Variants in GRM7 observed in about 807,000 individuals in gnomAD.
GRM7 encodes the protein metabotropic glutamate receptor 7.
In GRM7, 35 loss-of-function variants were observed where a neutral mutation model predicts 84.5. That is an observed-to-expected ratio of 0.41 (90% CI 0.32 to 0.55). GRM7 has a LOEUF of 0.55. GRM7 is among the 20% of genes least tolerant of loss of function. GRM7 has a pLI of 0.19. For missense variants in GRM7, 1,003 were observed against 1,194.6 expected (o/e 0.84, Z 2.36); for synonymous variants, 487 against 455.1 (o/e 1.07, Z -0.89).
chr3:7,483,209 T>A (rs1033151105), intron 7 of GRM7, among the ~76,000 whole-genome samples: 1 of 152,158 alleles, frequency 6.6e-6, no homozygotes, highest in Non-Finnish European at 1.5e-5. Context: ...AGGATAATAT[T>A]TGAGTGTACA....
chr3:7,449,670 T>C (rs1252618138), intron 5 of GRM7, among the ~76,000 whole-genome samples: 1 of 152,034 alleles, frequency 6.6e-6, no homozygotes. Flanking sequence ...CCCAGTCGCA[T>C]ATGGAAATTT....
intron 9 of GRM7, among the ~76,000 whole-genome samples, chr3:7,699,683 T>C (rs774277321): frequency 2.3e-4 from 35 of 152,256 alleles, no homozygotes; most frequent in Non-Finnish European, 4.0e-4. Flanking sequence ...TGGGAAGGAT[T>C]ACAAAGAATT....
chr3:7,447,676 T>G (rs1697575418), intron 5 of GRM7, among the ~76,000 whole-genome samples: 1 of 152,044 alleles, frequency 6.6e-6, no homozygotes. Flanking sequence ...CACAATTGAC[T>G]AATCTCTTTG....
intron 7 of GRM7, among the ~76,000 whole-genome samples, chr3:7,503,140 T>TTCC (rs1301916246): frequency 6.6e-6 from 1 of 152,170 alleles, no homozygotes; most frequent in Non-Finnish European, 1.5e-5. Flanking sequence ...ATGTGATTGC[T>TTCC]TCCCCAGCAG....
intron 2 of GRM7, among the ~76,000 whole-genome samples, chr3:7,280,385 C>A (rs897911541): frequency 2.6e-5 from 4 of 152,216 alleles, no homozygotes; most frequent in African/African-American, 9.6e-5. Context: ...CAGTTTTCAA[C>A]TTCTTAAAAT....
chr3:6,887,500 G>C (rs1343157134), intron 1 of GRM7, among the ~76,000 whole-genome samples: 1 of 151,774 alleles, frequency 6.6e-6, no homozygotes, highest in East Asian at 1.9e-4. Context: ...TTGTTCTTGC[G>C]ATAGTTTACT....
intron 4 of GRM7, among the ~76,000 whole-genome samples, chr3:7,391,859 G>A (rs1476466391): frequency 1.3e-5 from 2 of 152,024 alleles, no homozygotes; most frequent in Non-Finnish European, 2.9e-5. Flanking sequence ...CTTCAGTGGG[G>A]GTGGAGCCTC....
At chr3:7,498,641 G>A (rs1489852006) in intron 7 of GRM7, among the ~76,000 whole-genome samples, 1 of 152,176 alleles carries the variant, frequency 6.6e-6, no homozygotes, top group Non-Finnish European at 1.5e-5. Flanking sequence ...ATCAGTGTGT[G>A]TGACCAGCAG....
At chr3:7,677,320 G>A (rs1329255328) in intron 8 of GRM7, among the ~76,000 whole-genome samples, 2 of 144,210 alleles carry the variant, frequency 1.4e-5, no homozygotes, top group Non-Finnish European at 3.0e-5. Context: ...TTAATACTAT[G>A]TGCTAGGCCC....
At chr3:7,613,990 G>A (rs186790613) in intron 8 of GRM7, among the ~76,000 whole-genome samples, 2 of 152,288 alleles carry the variant, frequency 1.3e-5, no homozygotes, top group African/African-American at 4.8e-5. Flanking sequence ...TCAGCTGGGT[G>A]CAGTGGCTCG....
chr3:7,733,163 G>A (rs1559511518), intron 9 of GRM7, among the ~76,000 whole-genome samples: 2 of 152,142 alleles, frequency 1.3e-5, no homozygotes, highest in East Asian at 3.9e-4. Flanking sequence ...CTCATCCTGT[G>A]ACTTAGGCTG....
chr3:7,260,995 C>T (rs530542945), intron 2 of GRM7, among the ~76,000 whole-genome samples: 4 of 152,302 alleles, frequency 2.6e-5, no homozygotes, highest in African/African-American at 9.6e-5. Context: ...CATTCAATGC[C>T]TTCCCTCTGA....
chr3:7,598,856 A>C (rs1414591744), intron 8 of GRM7, among the ~76,000 whole-genome samples: 1 of 152,178 alleles, frequency 6.6e-6, no homozygotes, highest in Non-Finnish European at 1.5e-5. Context: ...ACCATTGATG[A>C]CTTGACACAT....
At chr3:7,033,651 T>C (rs1476504054) in intron 1 of GRM7, among the ~76,000 whole-genome samples, 2 of 152,176 alleles carry the variant, frequency 1.3e-5, no homozygotes, top group Non-Finnish European at 2.9e-5. Flanking sequence ...TAATTTCTTT[T>C]TACTTTCTCA....
chr3:7,565,516 G>A (rs1343728224), intron 7 of GRM7, among the ~76,000 whole-genome samples: 1 of 152,168 alleles, frequency 6.6e-6, no homozygotes, highest in East Asian at 1.9e-4. Flanking sequence ...AAGCCTAAAG[G>A]TTATTTCATA....
At chr3:7,117,600 T>C (rs995199633) in intron 1 of GRM7, among the ~76,000 whole-genome samples, 2 of 152,122 alleles carry the variant, frequency 1.3e-5, no homozygotes, top group Non-Finnish European at 2.9e-5. Context: ...ATGCCTACCA[T>C]CAGTTATCCT....
At chr3:7,725,469 T>C (rs1480240533) in intron 9 of GRM7, among the ~76,000 whole-genome samples, 1 of 152,068 alleles carries the variant, frequency 6.6e-6, no homozygotes, top group Non-Finnish European at 1.5e-5. Context: ...TCTCCATCCT[T>C]TGAATAAATC....
intron 2 of GRM7, among the ~76,000 whole-genome samples, chr3:7,246,095 T>C (rs201389842): frequency 6.6e-6 from 1 of 152,248 alleles, no homozygotes. Flanking sequence ...ACACAATTTT[T>C]TTTCTTTGAC....
chr3:7,191,116 T>C (rs1331337555), intron 2 of GRM7, among the ~76,000 whole-genome samples: 1 of 152,170 alleles, frequency 6.6e-6, no homozygotes, highest in Admixed American at 6.6e-5. Context: ...CACAGGATTC[T>C]ATAATATTAG....
Sources: gnomAD v4.1 joint callset for allele counts (sites outside exome capture counted in the v4.1 genomes callset) on GRCh38, gnomAD v4.1.1 for gene constraint, MANE v1.5 for transcripts, NCBI Gene and HGNC (gene_info 2026-07-23, HGNC 2026-07-21) for gene names.